The following SEC11C variants were observed in gnomAD, a reference collection of about 807,000 sequenced individuals.
SEC11C encodes SEC11 homolog C, signal peptidase complex subunit, also known as signal peptidase complex catalytic subunit SEC11C.
SEC11C carries 10 observed loss-of-function variants against 21.9 expected under a neutral mutation model. The observed-to-expected ratio is 0.46, with a 90% CI of 0.28 to 0.77. The LOEUF (loss-of-function observed/expected upper bound fraction) is 0.77, where lower values mean the gene tolerates loss of function less well. Among genes scored for constraint, SEC11C ranks in the 30% least tolerant of loss-of-function variants. SEC11C has a pLI of 0.12. For synonymous variants in SEC11C, 83 were observed against 85.6 expected (o/e 0.97, Z 0.17); for missense variants, 145 against 244.5 (o/e 0.59, Z 2.71).
chr18:59,142,124 G>A (rs1401282319), intron 1 of SEC11C, among the ~76,000 whole-genome samples: 2 of 152,112 alleles, frequency 1.3e-5, no homozygotes, highest in Admixed American at 6.5e-5. Flanking sequence ...TGGATTCCAG[G>A]ATTTTATGCC....
intron 1 of SEC11C, among the ~76,000 whole-genome samples, chr18:59,145,517 G>A (rs2069263837): frequency 1.3e-5 from 2 of 152,208 alleles, no homozygotes; most frequent in Admixed American, 1.3e-4. Context: ...CATGTGAGGT[G>A]GAAGCATGGA....
At chr18:59,152,968 A>G (rs191219116) in intron 3 of SEC11C, 1 of 207,044 alleles carries the variant, frequency 4.8e-6, no homozygotes, top group African/African-American at 2.3e-5. Context: ...GTATTATGAC[A>G]TGTTAGTTAT....
At chr18:59,145,819 T>G (rs957137300) in intron 1 of SEC11C, among the ~76,000 whole-genome samples, 1 of 152,196 alleles carries the variant, frequency 6.6e-6, no homozygotes, top group Non-Finnish European at 1.5e-5. Context: ...CTTTTCTATG[T>G]TTAGTTACAT....
chr18:59,142,202 AT>A (rs1204470216), intron 1 of SEC11C, among the ~76,000 whole-genome samples: 2 of 152,118 alleles, frequency 1.3e-5, no homozygotes, highest in African/African-American at 4.8e-5. Context: ...TCTTAGTTTG[AT>A]TTTTATATTT....
At chr18:59,145,855 G>A (rs894775141) in intron 1 of SEC11C, among the ~76,000 whole-genome samples, 2 of 152,118 alleles carry the variant, frequency 1.3e-5, no homozygotes, top group African/African-American at 2.4e-5. Flanking sequence ...TGTTACAGTC[G>A]CCTGCAGTAT....
intron 2 of SEC11C, among the ~76,000 whole-genome samples, chr18:59,149,932 T>C (rs947550642): frequency 7.9e-5 from 12 of 152,194 alleles, no homozygotes; most frequent in Middle Eastern, 3.2e-3. Context: ...ACAAATTGAT[T>C]TTTAAACATA....
At chr18:59,152,310 T>C (rs2069364711) in intron 2 of SEC11C, among the ~76,000 whole-genome samples, 2 of 152,008 alleles carry the variant, frequency 1.3e-5, no homozygotes, top group South Asian at 2.1e-4. Flanking sequence ...TTCTACCTGA[T>C]ACAAACTGCA....
intron 4 of SEC11C, 109 bp from the exon 5 acceptor site, chr18:59,157,499 T>G (rs918393871): frequency 1.3e-6 from 1 of 796,548 alleles, no homozygotes; most frequent in African/African-American, 1.7e-5. Flanking sequence ...GTCAGTGGCA[T>G]TCCCTCGTAC....
intron 1 of SEC11C, among the ~76,000 whole-genome samples, chr18:59,142,410 C>G (rs2069222183): frequency 1.3e-5 from 2 of 152,170 alleles, no homozygotes; most frequent in Non-Finnish European, 2.9e-5. Context: ...GAAAACTTGT[C>G]TGAAAACGGC....
intron 1 of SEC11C, among the ~76,000 whole-genome samples, chr18:59,144,724 C>G (rs4048831): frequency 1.7e-5 from 1 of 57,844 alleles, no homozygotes; most frequent in Non-Finnish European, 3.1e-5. Context: ...AACCTTGTAT[C>G]TTAAAAAAAA....
intron 1 of SEC11C, among the ~76,000 whole-genome samples, chr18:59,140,683 G>A (rs1400216338): frequency 6.6e-6 from 1 of 152,230 alleles, no homozygotes; most frequent in Non-Finnish European, 1.5e-5. Flanking sequence ...TCTGAATATA[G>A]GAGGCAGTGT....
intron 4 of SEC11C, 36 bp from the exon 5 acceptor site, chr18:59,157,572 G>C: frequency 7.0e-7 from 1 of 1,432,446 alleles, no homozygotes; most frequent in South Asian, 1.1e-5. Flanking sequence ...GTTATAAGCA[G>C]CTTTTATATC....
At chr18:59,148,914 C>G (rs2069313927) in intron 1 of SEC11C, among the ~76,000 whole-genome samples, 1 of 152,316 alleles carries the variant, frequency 6.6e-6, no homozygotes, top group South Asian at 2.1e-4. Flanking sequence ...TGTGCCCAGC[C>G]CCACCTGTGC....
intron 2 of SEC11C, among the ~76,000 whole-genome samples, chr18:59,151,319 CTTTT>C (rs34093810): frequency 1.4e-5 from 2 of 145,804 alleles, no homozygotes; most frequent in Non-Finnish European, 3.0e-5. Flanking sequence ...AGCATTTTAG[CTTTT>C]TTTTTTTTTT....
At chr18:59,142,100 C>A (rs1436459635) in intron 1 of SEC11C, among the ~76,000 whole-genome samples, 2 of 152,050 alleles carry the variant, frequency 1.3e-5, no homozygotes, top group Admixed American at 6.5e-5. Flanking sequence ...GTAGTTCAAT[C>A]AAAATTACTT....
chr18:59,145,970 A>G (rs769246003), intron 1 of SEC11C, among the ~76,000 whole-genome samples: 2 of 152,178 alleles, frequency 1.3e-5, no homozygotes, highest in Non-Finnish European at 1.5e-5. Context: ...GTATAAGTAC[A>G]CTCTATGATG....
intron 1 of SEC11C, among the ~76,000 whole-genome samples, chr18:59,143,938 G>A (rs1196502710): frequency 2.0e-5 from 3 of 150,172 alleles, no homozygotes; most frequent in Non-Finnish European, 1.5e-5. Flanking sequence ...TGCAACCTCC[G>A]CCTCCCGGGT....
At chr18:59,148,718 A>G (rs1266146940) in intron 1 of SEC11C, among the ~76,000 whole-genome samples, 2 of 150,918 alleles carry the variant, frequency 1.3e-5, no homozygotes, top group Non-Finnish European at 2.9e-5. Context: ...GGTTCACGCC[A>G]TTCTCCTGCC....
chr18:59,157,790 GT>G, intron 5 of SEC11C, 125 bp downstream of exon 5: 1 of 659,726 alleles, frequency 1.5e-6, no homozygotes, highest in Non-Finnish European at 2.7e-6. Flanking sequence ...AATATCTGTA[GT>G]TAACTACAAA....
Sources: allele counts gnomAD v4.1 joint callset (sites outside exome capture counted in the v4.1 genomes callset), GRCh38; gene constraint gnomAD v4.1.1; transcripts MANE v1.5; gene names NCBI Gene and HGNC (gene_info 2026-07-23, HGNC 2026-07-21).